The following MTIF2 variants were observed in gnomAD, a reference collection of about 807,000 sequenced individuals.
MTIF2 encodes the protein translation initiation factor IF-2, mitochondrial.
In MTIF2, 71 loss-of-function variants were observed where a neutral mutation model predicts 83.5. The observed-to-expected ratio is 0.85, with a 90% CI of 0.70 to 1.04. The LOEUF is 1.04. MTIF2 is among the 50% of genes least tolerant of loss of function. The pLI, the probability that MTIF2 is intolerant of heterozygous loss-of-function variation, is 0.00. For missense variants in MTIF2, 957 were observed against 846.5 expected, an observed-to-expected ratio of 1.13 and a Z score of -1.62; for synonymous variants, 319 against 287.1, an observed-to-expected ratio of 1.11 and a Z score of -1.12.
At chr2:55,254,628 T>C in intron 6 of MTIF2, 26 bp downstream of exon 6, 2 of 1,542,534 alleles carry the variant, frequency 1.3e-6, no homozygotes. Flanking sequence ...CCCCAAACCC[T>C]GCCAGTATAT....
At chr2:55,258,869 A>G (rs944636723) in intron 5 of MTIF2, among the ~76,000 whole-genome samples, 67 of 151,896 alleles carry the variant, frequency 4.4e-4, no homozygotes, top group African/African-American at 1.6e-3. Flanking sequence ...AATCCCAGCT[A>G]TTCAGGAGGC....
At chr2:55,239,965 C>T (rs1201150138) in intron 14 of MTIF2, 46 bp downstream of exon 14, 2 of 1,530,184 alleles carry the variant, frequency 1.3e-6, no homozygotes, top group East Asian at 4.6e-5. Flanking sequence ...CTATTTATAG[C>T]ACCTAATATA....
At chr2:55,254,257 C>A (rs1214018046) in intron 6 of MTIF2, 56 bp from the exon 7 acceptor site, 9 of 1,567,654 alleles carry the variant, frequency 5.7e-6, no homozygotes, top group Non-Finnish European at 7.8e-6. Flanking sequence ...ACTTTATAGC[C>A]TGTGAATTGG....
At chr2:55,250,927 T>C (rs2104380523) in intron 8 of MTIF2, among the ~76,000 whole-genome samples, 1 of 151,754 alleles carries the variant, frequency 6.6e-6, no homozygotes, top group East Asian at 1.9e-4. Flanking sequence ...CTGGCCAACA[T>C]GGTAAAACCC....
chr2:55,262,925 C>T (rs1208694095), intron 4 of MTIF2, among the ~76,000 whole-genome samples: 7 of 152,130 alleles, frequency 4.6e-5, no homozygotes, highest in South Asian at 2.1e-4. Context: ...AACAGGGTTT[C>T]GCCATGTTGG....
intron 3 of MTIF2, among the ~76,000 whole-genome samples, chr2:55,266,695 C>A (rs1207687527): frequency 7.1e-6 from 1 of 141,664 alleles, no homozygotes; most frequent in Non-Finnish European, 1.5e-5. Context: ...TTGATGTGAC[C>A]AAAGAAATTA....
Position 55,243,090 on chromosome 2 carries a change from GA to G in MTIF2, c.1565-11del. 1.9e-6 allele frequency: 3 copies of G among 1,578,124 alleles called. No individual in the cohort carries two copies. Among genetic ancestry groups the G allele is most frequent in the South Asian group, 2.4e-5 (2 of 84,874 alleles). The stretch of plus-strand genomic sequence containing the variant: ...GAACCATCAACATCACCTAAATACA[GA>G]AAAAGTTTATAATTGTTGCTTTTAA... On this transcript the variant is annotated splice_polypyrimidine_tract_variant and intron_variant, in intron 12 of 15. Coordinates refer to ENST00000263629, the MANE Select transcript of MTIF2 (RefSeq NM_002453.3).
Position 55,249,802 on chromosome 2 carries a change from T to C in MTIF2, c.842-268A>G, listed in dbSNP as rs532833034. Among the ~76,000 whole-genome samples, 6 of 152,002 alleles carry C rather than the reference T, an allele frequency of 3.9e-5. No individual in the cohort carries two copies. In the South Asian group the frequency reaches 1.2e-3, roughly 32 times the overall value. On this transcript the variant is annotated intron_variant, in intron 8 of 15. Transcript: ENST00000263629. Reference sequence around the variant, plus strand: ...CACCTGAGATTATCAAAAAAAACAATACAGTCGGGCTGGGTGCGGTGGCTC... The same window carrying C: ...CACCTGAGATTATCAAAAAAAACAACACAGTCGGGCTGGGTGCGGTGGCTC...
Position 55,259,200 on chromosome 2 carries a change from C to A in MTIF2, c.331+3116G>T, listed in dbSNP as rs199917652. Among the ~76,000 whole-genome samples, 3 of 151,994 alleles carry A rather than the reference C, an allele frequency of 2.0e-5. No homozygotes were observed. In the East Asian group the frequency reaches 5.8e-4, roughly 29 times the overall value. On this transcript the variant is annotated intron_variant, in intron 5 of 15. Coordinates refer to ENST00000263629, the MANE Select transcript of MTIF2 (RefSeq NM_002453.3). ...TAGAAAAGTGTCCAACATATTGCAA[C>A]AAGAAATAGTACATCAAGCTACTTA...
chr2:55,243,238 T>A (rs1676451788), intron 12 of MTIF2, among the ~76,000 whole-genome samples, 158 bp from the exon 13 acceptor site: 1 of 152,172 alleles, frequency 6.6e-6, no homozygotes, highest in Non-Finnish European at 1.5e-5. Flanking sequence ...CTTGACTTAA[T>A]AGCATATAAT....
Position 55,246,464 on chromosome 2 carries a change from T to C in MTIF2, c.982-3A>G. 6.2e-7 allele frequency: 1 copy of C among 1,613,066 alleles called. No individual in the cohort carries two copies. Among genetic ancestry groups the C allele is most frequent in the South Asian group, 1.1e-5 (1 of 91,054 alleles). ...GCCAAAGCCATCAGATTATCGCCCTTTAACAATAACAAACGTTGTTAATAC... is the reference window on the plus strand; with the variant it reads ...GCCAAAGCCATCAGATTATCGCCCTCTAACAATAACAAACGTTGTTAATAC... On this transcript the variant is annotated splice_polypyrimidine_tract_variant and splice_region_variant and intron_variant, in intron 9 of 15. Coordinates refer to ENST00000263629, the MANE Select transcript of MTIF2 (RefSeq NM_002453.3).
intron 7 of MTIF2, among the ~76,000 whole-genome samples, chr2:55,253,046 G>A (rs576312476): frequency 7.2e-5 from 11 of 152,254 alleles, no homozygotes; most frequent in African/African-American, 1.2e-4. Context: ...AGTAGCTCAC[G>A]ATTTGAGTCC....
At chr2:55,254,966 C>T (rs1677397721) in intron 5 of MTIF2, 141 bp from the exon 6 acceptor site, 1 of 448,478 alleles carries the variant, frequency 2.2e-6, no homozygotes, top group East Asian at 3.6e-5. Flanking sequence ...TAACAAATCA[C>T]AAGGAAGCTA....
chr2:55,237,026 A>G (rs544675726), intron 15 of MTIF2, among the ~76,000 whole-genome samples: 1 of 152,214 alleles, frequency 6.6e-6, no homozygotes, highest in Non-Finnish European at 1.5e-5. Context: ...TAACAAAATA[A>G]CCTAAATCTC....
intron 5 of MTIF2, among the ~76,000 whole-genome samples, chr2:55,262,045 A>C (rs1678044092): frequency 6.6e-6 from 1 of 152,148 alleles, no homozygotes; most frequent in African/African-American, 2.4e-5. Flanking sequence ...GATTTATTCT[A>C]ATAGCCCACA....
rs138006681 is a variant in MTIF2, at chr2:55,241,725, C to T, written c.1705+1215G>A. 7.9e-3 allele frequency among the ~76,000 whole-genome samples: 1,201 copies of T among 152,204 alleles called. 8 individuals are homozygous for T. The highest frequency in any genetic ancestry group is 0.016 in the Admixed American group (252 of 15,292). On this transcript the variant is annotated intron_variant, in intron 13 of 15. Coordinates refer to ENST00000263629, the MANE Select transcript of MTIF2 (RefSeq NM_002453.3). The stretch of plus-strand genomic sequence containing the variant: ...AGGTGTGGTCGTGGGTGCCTATAAT[C>T]CCAGCTACTCGGGAAGCTGGGGCAG...
At chr2:55,261,611 AAAT>A (rs553755910) in intron 5 of MTIF2, among the ~76,000 whole-genome samples, 72 of 152,070 alleles carry the variant, frequency 4.7e-4, no homozygotes, top group African/African-American at 1.7e-3. Context: ...CCATCTCAAA[AAAT>A]AATAATAAAA....
At position 55,243,581 on chromosome 2, in the gene MTIF2, G is replaced by A. The variant is rs762964479; in HGVS notation, c.1399C>T (p.Arg467Ter). ...TGATGTGCTTCTTTGTGTTCCTTTC[G>A]CTTTTCTTCTATTATTTTCAGATCC... ...QEDLKIIEEK[R>*]KEHKEAHQKA... The change falls in exon 12 of 16, where the codon CGA (arginine) becomes TGA (stop). Residue 467 changes from arginine to a stop codon, truncating the protein, a stop_gained. Coordinates refer to ENST00000263629, the MANE Select transcript of MTIF2 (RefSeq NM_002453.3). LOFTEE classifies it high-confidence loss of function. The A allele has an allele frequency of 2.7e-5, 44 of 1,613,706 alleles. No homozygotes were observed. Among genetic ancestry groups the A allele is most frequent in the Middle Eastern group, 1.6e-4 (1 of 6,080 alleles).
intron 5 of MTIF2, 125 bp downstream of exon 5, chr2:55,262,191 T>G: frequency 1.4e-6 from 1 of 704,370 alleles, no homozygotes; most frequent in South Asian, 1.6e-5. Context: ...AATATTACAA[T>G]GACTTAATAT....
Sources: gnomAD v4.1 joint callset for allele counts (sites outside exome capture counted in the v4.1 genomes callset) on GRCh38, gnomAD v4.1.1 for gene constraint, MANE v1.5 for transcripts, NCBI Gene and HGNC (gene_info 2026-07-23, HGNC 2026-07-21) for gene names.